Variants in PREX2 observed in about 807,000 individuals in gnomAD.
The protein encoded by PREX2 is phosphatidylinositol 3,4,5-trisphosphate-dependent Rac exchanger 2 protein.
Under a neutral mutation model 203.2 loss-of-function variants are expected in PREX2, and 107 were observed. The ratio of observed to expected loss-of-function variants is 0.53; its 90% confidence interval spans 0.45 to 0.62. The LOEUF (loss-of-function observed/expected upper bound fraction) is 0.62. PREX2 is among the 20% of genes least tolerant of loss of function. The probability of loss-of-function intolerance (pLI) is 0.00; values close to 1 mark genes in which losing one functional copy is unlikely to be tolerated. For missense variants in PREX2, 1,777 were observed against 1,955.9 expected, an observed-to-expected ratio of 0.91 and a Z score of 1.72; for synonymous variants, 672 against 663.6, an observed-to-expected ratio of 1.01 and a Z score of -0.19.
intron 37 of PREX2, among the ~76,000 whole-genome samples, chr8:68,206,748 T>G (rs987284982): frequency 4.6e-5 from 7 of 152,212 alleles, no homozygotes; most frequent in African/African-American, 1.7e-4. Flanking sequence ...AAGAAAAAAC[T>G]GTGGAGCACT....
chr8:67,967,929 C>G (rs1443300024), intron 1 of PREX2, among the ~76,000 whole-genome samples: 1 of 151,758 alleles, frequency 6.6e-6, no homozygotes, highest in Non-Finnish European at 1.5e-5. Context: ...CTGAGCCTGT[C>G]GTGGGGTTGG....
At chr8:68,111,233 C>T (rs1810527510) in intron 25 of PREX2, 1 of 172,504 alleles carries the variant, frequency 5.8e-6, no homozygotes, top group Non-Finnish European at 1.2e-5. Flanking sequence ...CAATCCCATA[C>T]TTCCAGTTCC....
chr8:68,061,390 G>A (rs1281579661), intron 11 of PREX2, among the ~76,000 whole-genome samples: 1 of 152,198 alleles, frequency 6.6e-6, no homozygotes, highest in Non-Finnish European at 1.5e-5. Context: ...TTTAAGCAGA[G>A]CCATGATCAG....
intron 21 of PREX2, 72 bp from the exon 22 acceptor site, chr8:68,096,944 GA>G: frequency 7.9e-7 from 1 of 1,259,222 alleles, no homozygotes. Context: ...ATTATTTAAA[GA>G]GACACAAAAT....
At chr8:68,162,269 CCATTTTATAAT>C (rs1254660431) in intron 35 of PREX2, among the ~76,000 whole-genome samples, 2 of 152,034 alleles carry the variant, frequency 1.3e-5, no homozygotes, top group Non-Finnish European at 2.9e-5. Flanking sequence ...TTGATGAAAA[CCATTTTATAAT>C]TCCTTAGAAA....
intron 1 of PREX2, among the ~76,000 whole-genome samples, chr8:68,003,114 A>G (rs574281926): frequency 9.3e-4 from 141 of 152,280 alleles, no homozygotes; most frequent in African/African-American, 3.3e-3. Context: ...AGACTGTTTC[A>G]GGGTTTGGGA....
chr8:68,198,213 C>T (rs1812437204), intron 37 of PREX2, among the ~76,000 whole-genome samples: 1 of 152,152 alleles, frequency 6.6e-6, no homozygotes, highest in African/African-American at 2.4e-5. Context: ...TACTTCTTTA[C>T]TAGGTTTACA....
chr8:68,192,375 T>C lies in PREX2; in HGVS notation c.4454T>C (p.Leu1485Pro). The change falls in exon 37 of 40, where the codon CTG becomes CCG. Residue 1485 changes from leucine (L) to proline (P), a missense_variant. Leu to Pro is a moderately conservative substitution (Grantham distance 98, BLOSUM62 -3). Transcript: ENST00000288368. ...AACGCTTTGGATGAACTTTACCGAC[T>C]GGTAGCCTCGTTTATCAGATCCAAG... ...PLNALDELYR[L>P]VASFIRSKRT... The C allele has an allele frequency of 6.2e-7, 1 of 1,611,924 alleles. No individual in the cohort carries two copies. The highest frequency in any genetic ancestry group is 1.1e-5 in the South Asian group (1 of 90,808).
At chr8:67,980,379 G>A (rs1806231415) in intron 1 of PREX2, among the ~76,000 whole-genome samples, 1 of 142,664 alleles carries the variant, frequency 7.0e-6, no homozygotes, top group African/African-American at 2.4e-5. Flanking sequence ...TGAAGAAAAG[G>A]TAGACTTTTG....
intron 25 of PREX2, among the ~76,000 whole-genome samples, chr8:68,112,770 G>A (rs1810560271): frequency 6.6e-6 from 1 of 152,116 alleles, no homozygotes; most frequent in African/African-American, 2.4e-5. Context: ...CACAGGATAT[G>A]TATGTAACAA....
chr8:68,188,186 T>C (rs1038957483), intron 35 of PREX2, among the ~76,000 whole-genome samples: 1 of 152,156 alleles, frequency 6.6e-6, no homozygotes, highest in Non-Finnish European at 1.5e-5. Flanking sequence ...TGACTGGTGA[T>C]AATCCAGATG....
chr8:68,069,157 C>T (rs758869932), intron 12 of PREX2, 21 bp downstream of exon 12: 1 of 1,121,994 alleles, frequency 8.9e-7, no homozygotes, highest in South Asian at 1.4e-5. Flanking sequence ...CTCCCACAAC[C>T]TCTCCAATAG....
chr8:68,090,051 A>G (rs1173537344), intron 19 of PREX2, among the ~76,000 whole-genome samples: 1 of 152,168 alleles, frequency 6.6e-6, no homozygotes, highest in Non-Finnish European at 1.5e-5. Flanking sequence ...CTTTTTGTAT[A>G]TATGTCAAAC....
intron 23 of PREX2, 54 bp from the exon 24 acceptor site, chr8:68,108,055 G>T (rs777107725): frequency 3.4e-6 from 4 of 1,183,790 alleles, no homozygotes; most frequent in Middle Eastern, 2.0e-4. Flanking sequence ...AAAAAAAGAT[G>T]CCTGAGTTAT....
Position 68,118,056 on chromosome 8 carries a change from C to A in PREX2, c.3327-494C>A, listed in dbSNP as rs138876407. On this transcript the variant is annotated intron_variant, in intron 26 of 39. Transcript: ENST00000288368. ...AAGAAAATTTGAAATATAATTGAAT[C>A]AAAAATATGCCATCTTTGGCCGGGC... Among the ~76,000 whole-genome samples, 694 of 152,092 alleles carry A rather than the reference C, an allele frequency of 4.6e-3. 8 individuals carry two copies. Among genetic ancestry groups the A allele is most frequent in the African/African-American group, 0.016 (668 of 41,508 alleles).
chr8:68,131,056 G>T (rs1810999663), intron 31 of PREX2, among the ~76,000 whole-genome samples: 1 of 152,204 alleles, frequency 6.6e-6, no homozygotes, highest in African/African-American at 2.4e-5. Context: ...GAGGACTGCT[G>T]AGCGGTACTG....
intron 33 of PREX2, among the ~76,000 whole-genome samples, chr8:68,145,954 A>G (rs1811317997): frequency 6.6e-6 from 1 of 152,092 alleles, no homozygotes; most frequent in African/African-American, 2.4e-5. Flanking sequence ...GAGACATCTG[A>G]TATGTCAAAG....
intron 15 of PREX2, 68 bp downstream of exon 15, chr8:68,077,537 A>G: frequency 1.8e-6 from 2 of 1,137,448 alleles, no homozygotes; most frequent in Non-Finnish European, 2.7e-6. Flanking sequence ...ATACTGCAAC[A>G]CCCAGTGCTG....
At chr8:68,081,325 C>T (rs538630482) in intron 17 of PREX2, among the ~76,000 whole-genome samples, 84 of 152,276 alleles carry the variant, frequency 5.5e-4, no homozygotes, top group Non-Finnish European at 1.1e-3. Flanking sequence ...TGTGCTCACT[C>T]GCCCGCCGCT....
Sources: allele counts gnomAD v4.1 joint callset (sites outside exome capture counted in the v4.1 genomes callset), GRCh38; gene constraint gnomAD v4.1.1; transcripts MANE v1.5; gene names NCBI Gene and HGNC (gene_info 2026-07-23, HGNC 2026-07-21).